The following MAP3K15 variants were observed in gnomAD, a reference collection of about 807,000 sequenced individuals.
MAP3K15 encodes the protein MAPK/ERK kinase kinase 15.
A neutral mutation model predicts 99.5 loss-of-function variants in MAP3K15; 124 were observed. That is an observed-to-expected ratio of 1.25 (90% CI 1.08 to 1.45). MAP3K15 has a LOEUF of 1.45. Ranked by LOEUF, MAP3K15 falls within the 40% of genes most tolerant of loss-of-function variation. The pLI is 0.00. For synonymous variants in MAP3K15, 494 were observed against 439.6 expected, an observed-to-expected ratio of 1.12 and a Z score of -1.55; for missense variants, 1,242 against 1,079.7, an observed-to-expected ratio of 1.15 and a Z score of -2.11.
chrX:19,413,588 C>T (rs182246978), intron 10 of MAP3K15, 124 bp from the exon 11 acceptor site: 362 of 269,415 alleles, frequency 1.3e-3, no homozygotes, highest in Non-Finnish European at 1.6e-3. Flanking sequence ...CAGTGGCTCA[C>T]GCCTGTAATC....
intron 6 of MAP3K15, among the ~76,000 whole-genome samples, chrX:19,442,145 C>T: frequency 9.0e-6 from 1 of 111,059 alleles, no homozygotes; most frequent in East Asian, 2.8e-4. Context: ...TTATCAAATC[C>T]CTTTTTTAGC....
rs866087919 is a variant in MAP3K15 at position 19,469,350 on chromosome X, G to T, written c.526-4944C>A. On this transcript the variant is annotated intron_variant, in intron 3 of 28. Transcript: ENST00000338883. The stretch of plus-strand genomic sequence containing the variant: ...GCTGGGAAAACTGGCTAGCCATATG[G>T]AGAAAGCTGAAACTGGATCCCTTCC... Among the ~76,000 whole-genome samples the T allele has an allele frequency of 6.4e-3, 709 of 111,227 alleles. 4 individuals carry two copies. The highest frequency in any genetic ancestry group is 0.021 in the African/African-American group (660 of 30,709).
chrX:19,445,315 G>C (rs948277603), intron 6 of MAP3K15, among the ~76,000 whole-genome samples: 15 of 110,480 alleles, frequency 1.4e-4, no homozygotes, highest in African/African-American at 4.9e-4. Context: ...TAGGGGCCAG[G>C]CATGGTGGCT....
At chrX:19,423,281 G>C (rs2063801921) in intron 9 of MAP3K15, among the ~76,000 whole-genome samples, 1 of 110,780 alleles carries the variant, frequency 9.0e-6, no homozygotes, top group Non-Finnish European at 1.9e-5. Flanking sequence ...ATCCCCACAG[G>C]GACCCCTTGT....
chrX:19,418,154 C>T (rs1396900358), intron 9 of MAP3K15, among the ~76,000 whole-genome samples: 2 of 111,437 alleles, frequency 1.8e-5, no homozygotes, highest in Non-Finnish European at 3.8e-5. Flanking sequence ...TCCAAAGGAA[C>T]GCAGCTCCTC....
At chrX:19,469,129 A>T (rs1457866312) in intron 3 of MAP3K15, among the ~76,000 whole-genome samples, 1 of 111,526 alleles carries the variant, frequency 9.0e-6, no homozygotes, top group Non-Finnish European at 1.9e-5. Flanking sequence ...TGGAGGCATC[A>T]CGCTACCTGA....
At chrX:19,412,929 G>A (rs887607021) in intron 11 of MAP3K15, among the ~76,000 whole-genome samples, 18 of 108,543 alleles carry the variant, frequency 1.7e-4, no homozygotes, top group Non-Finnish European at 2.7e-4. Context: ...TTATAGAGAC[G>A]GGGTTTTGAT....
chrX:19,423,788 A>T (rs898533412), intron 9 of MAP3K15, among the ~76,000 whole-genome samples: 2 of 111,545 alleles, frequency 1.8e-5, no homozygotes, highest in Non-Finnish European at 3.8e-5. Flanking sequence ...CAGATAGTCT[A>T]TGCTAACGAT....
At chrX:19,488,324 T>C (rs1370133124) in intron 2 of MAP3K15, among the ~76,000 whole-genome samples, 1 of 112,109 alleles carries the variant, frequency 8.9e-6, no homozygotes, top group Non-Finnish European at 1.9e-5. Flanking sequence ...ACGTTTTCAG[T>C]TTTGCTTTGC....
intron 1 of MAP3K15, among the ~76,000 whole-genome samples, chrX:19,510,266 T>G (rs1374267087): frequency 9.0e-6 from 1 of 111,546 alleles, no homozygotes; most frequent in Admixed American, 9.5e-5. Flanking sequence ...AAAAGAAAAT[T>G]TCAGGATGAA....
At chrX:19,500,233 T>C (rs1388678961) in intron 1 of MAP3K15, among the ~76,000 whole-genome samples, 1 of 111,223 alleles carries the variant, frequency 9.0e-6, no homozygotes, top group Admixed American at 9.6e-5. Context: ...GGTGACAGAG[T>C]GAGACTCCAT....
At position 19,360,241 on chromosome X, in the gene MAP3K15, C is replaced by G. The variant is rs1312926931; in HGVS notation, c.*508G>C. ...TCAAACATTAACTACAAGGCACATT[C>G]GTATCAGTTTTGTGTTTCTCAAATT... On this transcript the variant is annotated 3_prime_UTR_variant, in exon 29 of 29. Transcript: ENST00000338883. The G allele has an allele frequency of 7.6e-6, 1 of 132,069 alleles. No homozygotes were observed. Among genetic ancestry groups the G allele is most frequent in the Non-Finnish European group, 1.5e-5 (1 of 66,126 alleles). The allele number at this position is 132,069 out of a possible 1,213,427, so 10.9% of individuals were successfully genotyped here. A position where few individuals can be genotyped will look rare whatever the true frequency, so the allele number is the denominator to read the frequency against.
At chrX:19,472,260 A>G (rs866638193) in intron 3 of MAP3K15, among the ~76,000 whole-genome samples, 14 of 99,456 alleles carry the variant, frequency 1.4e-4, no homozygotes, top group African/African-American at 5.8e-4. Flanking sequence ...TAATAATAAT[A>G]ATAATAATAA....
In MAP3K15 at chrX:19,429,964, G is replaced by A. The variant is rs186443109; in HGVS notation, c.1166+1474C>T. 1.2e-4 allele frequency among the ~76,000 whole-genome samples: 13 copies of A among 111,342 alleles called. 1 individual carries two copies. The highest frequency in any genetic ancestry group is 3.6e-4 in the African/African-American group (11 of 30,769). On this transcript the variant is annotated intron_variant, in intron 7 of 28. Coordinates refer to ENST00000338883, the MANE Select transcript of MAP3K15 (RefSeq NM_001001671.4). Reference sequence around the variant, plus strand: ...CAACATTTTTGTCCCCACCACCCTGGCTCAAGCCACCACCAGCTCTCCCCT... The same window carrying A: ...CAACATTTTTGTCCCCACCACCCTGACTCAAGCCACCACCAGCTCTCCCCT...
At chrX:19,432,725 T>TG (rs200377642) in intron 6 of MAP3K15, among the ~76,000 whole-genome samples, 1,134 of 108,761 alleles carry the variant, frequency 0.01, 16 homozygotes, top group African/African-American at 0.037. Context: ...CTTAACCTTT[T>TG]TTTTTTTTTT....
At chrX:19,451,297 AAG>A (rs1364466540) in intron 6 of MAP3K15, among the ~76,000 whole-genome samples, 7 of 87,086 alleles carry the variant, frequency 8.0e-5, no homozygotes, top group Admixed American at 7.9e-4. Context: ...AAAAAAAAAG[AAG>A]AAGATCAGAT....
At chrX:19,487,591 T>G (rs2064338053) in intron 2 of MAP3K15, among the ~76,000 whole-genome samples, 1 of 111,988 alleles carries the variant, frequency 8.9e-6, no homozygotes, top group Non-Finnish European at 1.9e-5. Flanking sequence ...AAAAGTTTCT[T>G]CTTTCACTGT....
chrX:19,441,764 G>A (rs1379993115), intron 6 of MAP3K15, among the ~76,000 whole-genome samples: 3 of 111,822 alleles, frequency 2.7e-5, no homozygotes, highest in Non-Finnish European at 5.6e-5. Flanking sequence ...AGCCAAAATG[G>A]GTTAATTGTA....
intron 6 of MAP3K15, among the ~76,000 whole-genome samples, chrX:19,432,149 T>G (rs1429131624): frequency 9.1e-6 from 1 of 110,122 alleles, no homozygotes; most frequent in African/African-American, 3.3e-5. Context: ...TCTCAACAAG[T>G]AAATCATAAG....
Sources: gnomAD v4.1 joint callset for allele counts (sites outside exome capture counted in the v4.1 genomes callset) on GRCh38, gnomAD v4.1.1 for gene constraint, MANE v1.5 for transcripts, NCBI Gene and HGNC (gene_info 2026-07-23, HGNC 2026-07-21) for gene names.